LTBP1: variants seen among roughly 807,000 people sequenced by gnomAD.
LTBP1 encodes the protein latent-transforming growth factor beta-binding protein 1.
LTBP1 carries 129 observed loss-of-function variants against 207.6 expected under a neutral mutation model. The observed-to-expected ratio is 0.62, with a 90% confidence interval of 0.54 to 0.72. The LOEUF (loss-of-function observed/expected upper bound fraction) is 0.72. Ranked by LOEUF, LTBP1 falls within the 30% of genes least tolerant of loss-of-function variation. The pLI, the probability that LTBP1 is intolerant of heterozygous loss-of-function variation, is 0.00. For synonymous variants in LTBP1, 963 were observed against 833.7 expected, an observed-to-expected ratio of 1.16 and a Z score of -2.67; for missense variants, 2,281 against 2,217.2, an observed-to-expected ratio of 1.03 and a Z score of -0.58.
chr2:33,093,332 T>A (rs1196316455), intron 3 of LTBP1, among the ~76,000 whole-genome samples: 1 of 152,178 alleles, frequency 6.6e-6, no homozygotes, highest in Non-Finnish European at 1.5e-5. Context: ...TTTCCCCTGC[T>A]CTCCCTCCTA....
rs377379036 is a variant in LTBP1 at position 33,262,772 on chromosome 2, C to T, written c.2469C>T (p.Pro823=). The T allele has an allele frequency of 8.1e-6, 13 of 1,606,896 alleles. No homozygotes were observed. The highest frequency in any genetic ancestry group is 1.1e-5 in the Non-Finnish European group (13 of 1,175,758). The change falls in exon 14 of 34, where the codon CCC becomes CCT. Residue 823 remains proline, a synonymous_variant. Coordinates refer to ENST00000404816, the MANE Select transcript of LTBP1 (RefSeq NM_206943.4). ...QEKTKLEPGQ[P]QLSPGISTIH... is the part of the protein sequence containing the mutation. ...AAACCAAACTTGAGCCTGGTCAACC[C>T]CAGCTGTCTCCAGGCATTTCCACTA...
At chr2:32,951,257 T>G (rs1677057481) in intron 2 of LTBP1, among the ~76,000 whole-genome samples, 1 of 152,260 alleles carries the variant, frequency 6.6e-6, no homozygotes, top group South Asian at 2.1e-4. Flanking sequence ...AAGATTAACC[T>G]TCCTGTACTT....
At chr2:33,386,470 TTC>T (rs375560799) in intron 31 of LTBP1, among the ~76,000 whole-genome samples, 3 of 152,216 alleles carry the variant, frequency 2.0e-5, no homozygotes, top group Non-Finnish European at 4.4e-5. Flanking sequence ...TCAGCAAGGC[TTC>T]TCTGACAGCC....
At chr2:33,342,771 C>T in intron 24 of LTBP1, 67 bp from the exon 25 acceptor site, 1 of 1,557,770 alleles carries the variant, frequency 6.4e-7, no homozygotes, top group Non-Finnish European at 8.8e-7. Flanking sequence ...CTCTGTTTAT[C>T]CATTAATATC....
intron 25 of LTBP1, among the ~76,000 whole-genome samples, chr2:33,344,956 A>T (rs1399953005): frequency 6.6e-6 from 1 of 152,204 alleles, no homozygotes; most frequent in African/African-American, 2.4e-5. Flanking sequence ...CACCAAACCC[A>T]TGCTGACATT....
chr2:33,134,237 T>A lies in LTBP1; in HGVS notation c.1034-556T>A, dbSNP rs2081987723. Among the ~76,000 whole-genome samples the A allele has an allele frequency of 6.6e-6, 1 of 152,198 alleles. No homozygotes were observed. The highest frequency in any genetic ancestry group is 1.5e-5 in the Non-Finnish European group (1 of 68,034). On this transcript the variant is annotated intron_variant, in intron 4 of 33. Transcript: ENST00000404816. The surrounding 1 kb of genome is among the most constrained non-coding windows in gnomAD (Gnocchi z 4.4). ...CCCGCAGCTGCGTCACAGCATTTGA[T>A]CACTTCAGCCGAGAGTGCCAGGAGA...
intron 2 of LTBP1, among the ~76,000 whole-genome samples, chr2:32,951,294 C>T (rs891411415): frequency 6.6e-6 from 1 of 152,170 alleles, no homozygotes; most frequent in African/African-American, 2.4e-5. Flanking sequence ...AATTTAGGTA[C>T]AAATGCTAGA....
At chr2:33,155,294 G>C in intron 5 of LTBP1, among the ~76,000 whole-genome samples, 1 of 147,580 alleles carries the variant, frequency 6.8e-6, no homozygotes, top group East Asian at 2.0e-4. Flanking sequence ...TCGAACTCCC[G>C]ACCGACCTCA....
chr2:33,128,691 T>C (rs115142066), intron 4 of LTBP1, among the ~76,000 whole-genome samples: 1,658 of 152,330 alleles, frequency 0.011, 28 homozygotes, highest in African/African-American at 0.036. Flanking sequence ...GGCAAACTCA[T>C]TGAACCCTCA....
intron 8 of LTBP1, among the ~76,000 whole-genome samples, chr2:33,218,347 C>T (rs2090866525): frequency 1.3e-5 from 2 of 152,058 alleles, no homozygotes; most frequent in African/African-American, 4.8e-5. Flanking sequence ...TAATTTGTAC[C>T]TTTAGTTTTT....
At chr2:33,379,566 C>G (rs976477514) in intron 31 of LTBP1, among the ~76,000 whole-genome samples, 1 of 152,192 alleles carries the variant, frequency 6.6e-6, no homozygotes, top group South Asian at 2.1e-4. Flanking sequence ...CCAAAGAAAT[C>G]ACTGCCAGAG....
chr2:33,366,847 A>C (rs1347296891), intron 31 of LTBP1, among the ~76,000 whole-genome samples: 51 of 152,218 alleles, frequency 3.4e-4, no homozygotes, highest in Admixed American at 3.3e-3. Flanking sequence ...GAGTTCAGTG[A>C]GGCTTTTGAG....
At chr2:33,033,014 A>G (rs999572420) in intron 3 of LTBP1, among the ~76,000 whole-genome samples, 1 of 152,212 alleles carries the variant, frequency 6.6e-6, no homozygotes, top group Non-Finnish European at 1.5e-5. Context: ...TAGGATGTTC[A>G]TGAAAAACAA....
chr2:33,004,099 A>T (rs867638634), intron 2 of LTBP1, among the ~76,000 whole-genome samples: 95 of 148,318 alleles, frequency 6.4e-4, no homozygotes, highest in African/African-American at 2.0e-3. Flanking sequence ...AATAAATATC[A>T]TTTTTTTTTT....
intron 2 of LTBP1, among the ~76,000 whole-genome samples, chr2:32,992,976 C>G (rs1684652078): frequency 6.6e-6 from 1 of 152,046 alleles, no homozygotes; most frequent in South Asian, 2.1e-4. Context: ...GAGAAGTCAC[C>G]CCAAGTTTTT....
intron 3 of LTBP1, among the ~76,000 whole-genome samples, chr2:33,096,966 C>T (rs1009997521): frequency 3.3e-5 from 5 of 152,044 alleles, no homozygotes; most frequent in Admixed American, 3.3e-4. Context: ...GCTCTGATAA[C>T]TTGGTGACTC....
chr2:33,289,442 C>T (rs2093730817), intron 19 of LTBP1, among the ~76,000 whole-genome samples: 1 of 152,160 alleles, frequency 6.6e-6, no homozygotes, highest in African/African-American at 2.4e-5. Flanking sequence ...TCACTGCAGT[C>T]TCTAACTCCT....
intron 7 of LTBP1, among the ~76,000 whole-genome samples, chr2:33,204,941 T>G (rs1248053435): frequency 6.6e-6 from 1 of 152,216 alleles, no homozygotes; most frequent in African/African-American, 2.4e-5. Flanking sequence ...TTTAGCAAAT[T>G]CATCATATCT....
At chr2:33,254,130 C>A (rs1213315262) in intron 11 of LTBP1, among the ~76,000 whole-genome samples, 1 of 151,874 alleles carries the variant, frequency 6.6e-6, no homozygotes, top group Non-Finnish European at 1.5e-5. Context: ...GGTCTGCCGG[C>A]CTCAGCCTCC....
Sources: allele counts gnomAD v4.1 joint callset (sites outside exome capture counted in the v4.1 genomes callset), GRCh38; gene constraint gnomAD v4.1.1; non-coding constraint Gnocchi (gnomAD v3.1); transcripts MANE v1.5; gene names NCBI Gene and HGNC (gene_info 2026-07-23, HGNC 2026-07-21).